Variants in CLVS2 observed in about 807,000 individuals in gnomAD.
CLVS2 encodes the protein clavesin-2.
CLVS2 carries 19 observed loss-of-function variants against 29.0 expected under a neutral mutation model. The ratio of observed to expected loss-of-function variants is 0.66; its 90% CI spans 0.46 to 0.96. The LOEUF (loss-of-function observed/expected upper bound fraction) is 0.96, where lower values mean the gene tolerates loss of function less well. CLVS2 is among the 40% of genes least tolerant of loss of function. CLVS2 has a pLI of 0.00. For synonymous variants in CLVS2, 161 were observed against 151.3 expected (o/e 1.06, Z -0.47); for missense variants, 294 against 404.1 (o/e 0.73, Z 2.34).
chr6:123,062,821 A>G, intron 5 of CLVS2, among the ~76,000 whole-genome samples: 1 of 152,210 alleles, frequency 6.6e-6, no homozygotes, highest in East Asian at 1.9e-4. Context: ...GGAAGAATTC[A>G]TTACCAAGGA....
chr6:123,012,706 G>A (rs932829719), intron 3 of CLVS2, among the ~76,000 whole-genome samples: 1 of 151,966 alleles, frequency 6.6e-6, no homozygotes, highest in African/African-American at 2.4e-5. Context: ...TGAAACCTCT[G>A]TGCTTATGTC....
At chr6:123,025,986 T>G (rs1263037932) in intron 3 of CLVS2, among the ~76,000 whole-genome samples, 1 of 151,916 alleles carries the variant, frequency 6.6e-6, no homozygotes, top group Non-Finnish European at 1.5e-5. Context: ...ATATTTATTA[T>G]AAATTTATAA....
rs1772880538 is a variant in CLVS2, at chr6:123,067,497, A to G, written c.*3736A>G. On this transcript the variant is annotated 3_prime_UTR_variant, in exon 6 of 6. Coordinates refer to ENST00000275162, the MANE Select transcript of CLVS2 (RefSeq NM_001010852.4). ...TTGTGTGGTTGGTGAATAATATCTC[A>G]GCTTCTTTTTTTGTGTATATTTATT... is the stretch of plus-strand genomic sequence containing the variant. 6.6e-6 allele frequency: 1 copy of G among 151,824 alleles called. No individual in the cohort carries two copies. The highest frequency in any genetic ancestry group is 2.4e-5 in the African/African-American group (1 of 41,534). 9.4% of individuals were successfully genotyped at this position (151,824 alleles called of 1,614,324 possible).
At position 122,996,576 on chromosome 6, in the gene CLVS2, TC is replaced by T. The variant is rs1160105119; in HGVS notation, c.-727del. 3.3e-5 allele frequency: 5 copies of T among 153,078 alleles called. No homozygotes were observed. Among genetic ancestry groups the T allele is most frequent in the African/African-American group, 9.7e-5 (4 of 41,384 alleles). The allele number at this position is 153,078 out of a possible 1,614,324, so 9.5% of individuals were successfully genotyped here. ...CCGCGGACGATGTGGCCGCGGCTGC[TC>T]CCGAGCGCATCTTCGGCCCGGGTCC... is the stretch of plus-strand genomic sequence containing the variant. On this transcript the variant is annotated 5_prime_UTR_variant, in exon 1 of 6. It removes the in-frame stop codon of an upstream open reading frame in the 5' UTR. Coordinates refer to ENST00000275162, the MANE Select transcript of CLVS2 (RefSeq NM_001010852.4).
chr6:123,006,857 A>T (rs1774676504), intron 2 of CLVS2, among the ~76,000 whole-genome samples: 1 of 152,182 alleles, frequency 6.6e-6, no homozygotes, highest in Non-Finnish European at 1.5e-5. Context: ...TGGTAACTCC[A>T]GGAGATACTA....
intron 3 of CLVS2, among the ~76,000 whole-genome samples, chr6:123,032,995 T>C (rs990261251): frequency 1.3e-5 from 2 of 152,096 alleles, no homozygotes; most frequent in Non-Finnish European, 2.9e-5. Context: ...AGTCATTTCT[T>C]AGTTGTATTT....
rs549264880 is a variant in CLVS2 at position 123,006,832 on chromosome 6, G to A, written c.390-4153G>A. On this transcript the variant is annotated intron_variant, in intron 2 of 5. Coordinates refer to ENST00000275162, the MANE Select transcript of CLVS2 (RefSeq NM_001010852.4). ...CCGTCACCAATGTATTGGCCAAGGG[G>A]ATGAGTGCATGATTTGGTAACTCCA... Among the ~76,000 whole-genome samples the A allele has an allele frequency of 1.4e-3, 209 of 152,270 alleles. 3 individuals are homozygous for A. The highest frequency in any genetic ancestry group is 4.8e-3 in the African/African-American group (200 of 41,554).
intron 3 of CLVS2, among the ~76,000 whole-genome samples, chr6:123,046,165 C>CT (rs1482266474): frequency 6.6e-6 from 1 of 152,168 alleles, no homozygotes; most frequent in Non-Finnish European, 1.5e-5. Context: ...GCTAAATCTA[C>CT]TTGATTGCAA....
At chr6:123,045,799 T>C (rs1283577755) in intron 3 of CLVS2, among the ~76,000 whole-genome samples, 1 of 152,144 alleles carries the variant, frequency 6.6e-6, no homozygotes, top group Non-Finnish European at 1.5e-5. Context: ...AGTGCAGTGA[T>C]GGACCCAGGC....
chr6:123,069,354 A>G lies in CLVS2; in HGVS notation c.*5593A>G, dbSNP rs907239224. Reference sequence around the variant, plus strand: ...ATCCCAGGTCAAAATATGATGTGAAATTAAAAAAAAAATTCAGCCTGATTT... The same window carrying G: ...ATCCCAGGTCAAAATATGATGTGAAGTTAAAAAAAAAATTCAGCCTGATTT... On this transcript the variant is annotated 3_prime_UTR_variant, in exon 6 of 6. Coordinates refer to ENST00000275162, the MANE Select transcript of CLVS2 (RefSeq NM_001010852.4). 2.0e-5 allele frequency: 3 copies of G among 151,664 alleles called. No individual in the cohort carries two copies. Among genetic ancestry groups the G allele is most frequent in the Non-Finnish European group, 3.0e-5 (2 of 67,794 alleles). The allele number at this position is 151,664 out of a possible 1,614,324, so 9.4% of individuals were successfully genotyped here.
At chr6:123,046,421 A>G (rs1006978796) in intron 3 of CLVS2, among the ~76,000 whole-genome samples, 1 of 152,138 alleles carries the variant, frequency 6.6e-6, no homozygotes, top group Non-Finnish European at 1.5e-5. Flanking sequence ...GCACTTTGGG[A>G]GGCCGAGGTG....
chr6:123,010,367 C>T (rs183219282), intron 2 of CLVS2, among the ~76,000 whole-genome samples: 63 of 152,056 alleles, frequency 4.1e-4, no homozygotes, highest in Middle Eastern at 3.4e-3. Context: ...CAAAACAAAA[C>T]AAAACACAAC....
At position 123,007,226 on chromosome 6, in the gene CLVS2, A is replaced by G. The variant is rs1448140120; in HGVS notation, c.390-3759A>G. Among the ~76,000 whole-genome samples, 6 of 152,192 alleles carry G rather than the reference A, an allele frequency of 3.9e-5. No individual in the cohort carries two copies. The East Asian group carries it at 9.6e-4, about 24-fold the overall frequency. On this transcript the variant is annotated intron_variant, in intron 2 of 5. Transcript: ENST00000275162. ...GTAGAAGTCATAGAAGTTAACATTT[A>G]TTGTTTGCTATGTGCTACCCATTGG...
At chr6:123,035,643 G>T (rs904069026) in intron 3 of CLVS2, among the ~76,000 whole-genome samples, 1 of 152,062 alleles carries the variant, frequency 6.6e-6, no homozygotes, top group Non-Finnish European at 1.5e-5. Flanking sequence ...GTGGCAGTCA[G>T]ATTCTCATGT....
chr6:122,997,895 A>G lies in CLVS2; in HGVS notation c.118A>G (p.Thr40Ala). Reference protein sequence around the residue: ...DIQEVRDMVITRPDIGFLRTD... With the variant: ...DIQEVRDMVIARPDIGFLRTD... ...CCAGGAGGTGAGGGATATGGTCATC[A>G]CCAGGCCGGACATTGGCTTTCTGCG... Residue 40 changes from threonine (T) to alanine (A), a missense_variant, in exon 2 of 6, where the codon ACC (threonine) becomes GCC (alanine). By Grantham distance (58) the Thr-to-Ala change is moderately conservative. Around this residue, in one of 2 missense-constraint regions of CLVS2, gnomAD observed 212 missense variants for 336.4 expected, o/e 0.63. Coordinates refer to ENST00000275162, the MANE Select transcript of CLVS2 (RefSeq NM_001010852.4). 6.2e-7 allele frequency: 1 copy of G among 1,614,226 alleles called. No individual in the cohort carries two copies. Among genetic ancestry groups the G allele is most frequent in the Non-Finnish European group, 8.5e-7 (1 of 1,180,044 alleles).
intron 3 of CLVS2, among the ~76,000 whole-genome samples, chr6:123,014,110 C>G (rs537508673): frequency 6.6e-6 from 1 of 152,014 alleles, no homozygotes. Flanking sequence ...TGAATATTGC[C>G]GCTATAAACA....
chr6:123,069,976 C>CATATGT lies in CLVS2; in HGVS notation c.*6219_*6220insGTATAT, dbSNP rs1473681803. 6.6e-6 allele frequency: 1 copy of CATATGT among 151,992 alleles called. No individual in the cohort carries two copies. Among genetic ancestry groups the CATATGT allele is most frequent in the East Asian group, 1.9e-4 (1 of 5,184 alleles). The allele number at this position is 151,992 out of a possible 1,614,324, so 9.4% of individuals were successfully genotyped here. A position where few individuals can be genotyped will look rare whatever the true frequency, so the allele number is the denominator to read the frequency against. ...CTTAAGAAAAAAATCCTATGTTATA[C>CATATGT]ATATATGAACATAATTCACTTAGTT... On this transcript the variant is annotated 3_prime_UTR_variant, in exon 6 of 6. Coordinates refer to ENST00000275162, the MANE Select transcript of CLVS2 (RefSeq NM_001010852.4).
At chr6:123,061,838 T>C (rs1482120436) in intron 5 of CLVS2, among the ~76,000 whole-genome samples, 1 of 152,072 alleles carries the variant, frequency 6.6e-6, no homozygotes, top group South Asian at 2.1e-4. Context: ...TATGTACTTA[T>C]GGAATATTAT....
intron 3 of CLVS2, among the ~76,000 whole-genome samples, chr6:123,046,838 A>G (rs1373807764): frequency 1.3e-5 from 2 of 152,132 alleles, no homozygotes; most frequent in Non-Finnish European, 1.5e-5. Context: ...AAATATTTCC[A>G]TGTGCGTTGC....
Sources: allele counts gnomAD v4.1 joint callset (sites outside exome capture counted in the v4.1 genomes callset), GRCh38; gene constraint gnomAD v4.1.1; regional missense constraint gnomAD v4.1.1; transcripts MANE v1.5; gene names NCBI Gene and HGNC (gene_info 2026-07-23, HGNC 2026-07-21).